The following RBMXL3 variants were observed in gnomAD, a reference collection of about 807,000 sequenced individuals.
RBMXL3 encodes the protein RBMX like 3, also known as RNA-binding motif protein, X-linked-like-3.
In RBMXL3, 2 loss-of-function variants were observed where a neutral mutation model predicts 0.8. That is an observed-to-expected ratio of 2.54 (90% CI 1.04 to 8.00). The LOEUF (loss-of-function observed/expected upper bound fraction) is 8.00. Ranked by LOEUF, RBMXL3 falls within the 30% of genes most tolerant of loss-of-function variation. RBMXL3 has a pLI of 0.04. For synonymous variants in RBMXL3, 447 were observed against 449.8 expected (o/e 0.99, Z 0.08); for missense variants, 1,127 against 1,068.0 (o/e 1.06, Z -0.77).
In RBMXL3 at chrX:115,190,394, G is replaced by A. The variant is rs1432153392; in HGVS notation, c.953G>A (p.Gly318Glu). 3 of 1,162,015 alleles carry A rather than the reference G, an allele frequency of 2.6e-6. No individual in the cohort carries two copies. The African/African-American group carries it at 5.4e-5, about 21-fold the overall frequency. ...GGPCGAAPVW[G>E]TPPSYGGGCR... Reference sequence around the variant, plus strand: ...CCATGCGGCGCTGCCCCTGTGTGGGGGACACCGCCATCTTATGGAGGAGGA... The same window carrying A: ...CCATGCGGCGCTGCCCCTGTGTGGGAGACACCGCCATCTTATGGAGGAGGA... Residue 318 changes from glycine (G) to glutamate (E), a missense_variant, in exon 1 of 1, where the codon GGG becomes GAG. By Grantham distance (98) the Gly-to-Glu change is moderately conservative. Transcript: ENST00000424776.
Position 115,192,201 on chromosome X carries a change from G to T in RBMXL3, c.2760G>T (p.Ser920=). The change falls in exon 1 of 1, where the codon TCG becomes TCT. Residue 920 remains serine, a synonymous_variant. Coordinates refer to ENST00000424776, the MANE Select transcript of RBMXL3 (RefSeq NM_001145346.2). The part of the protein sequence containing the change: ...GGCYEEYQGR[S]PNAYGGGRGL... ...GCTACGAGGAATACCAAGGCCGCTC[G>T]CCCAATGCCTACGGCGGGGGCCGCG... 8.6e-7 allele frequency: 1 copy of T among 1,163,485 alleles called. No homozygotes were observed. The highest frequency in any genetic ancestry group is 1.1e-6 in the Non-Finnish European group (1 of 871,981).
rs1049426782 is a variant in RBMXL3, at chrX:115,192,236, G to C, written c.2795G>C (p.Ser932Thr). The change falls in exon 1 of 1, where the codon AGT becomes ACT. Residue 932 changes from serine (S) to threonine (T), a missense_variant. Coordinates refer to ENST00000424776, the MANE Select transcript of RBMXL3 (RefSeq NM_001145346.2). The stretch of plus-strand genomic sequence containing the variant: ...TACGGCGGGGGCCGCGGCCTCAACA[G>C]TTCCAACAACAGTCATGGCCGGAGC... ...NAYGGGRGLNSSNNSHGRSHR... is the reference protein window; with the variant it reads ...NAYGGGRGLNTSNNSHGRSHR... The C allele has an allele frequency of 1.1e-4, 128 of 1,162,856 alleles. No homozygotes were observed. The highest frequency in any genetic ancestry group is 1.4e-4 in the Non-Finnish European group (121 of 871,748).
chrX:115,190,764 T>C lies in RBMXL3; in HGVS notation c.1323T>C (p.Asp441=), dbSNP rs1556558100. The C allele has an allele frequency of 8.7e-7, 1 of 1,155,835 alleles. No homozygotes were observed. The highest frequency in any genetic ancestry group is 1.9e-5 in the South Asian group (1 of 51,824). ...HEARSGGRST[D]AHSRGRSDDA... Reference sequence around the variant, plus strand: ...CCCGCAGCGGGGGCCGCTCCACTGATGCCCACAGCAGGGGCCGGTCCGACG... The same window carrying C: ...CCCGCAGCGGGGGCCGCTCCACTGACGCCCACAGCAGGGGCCGGTCCGACG... The change falls in exon 1 of 1, where the codon GAT becomes GAC. Residue 441 remains aspartate (D), a synonymous_variant. Coordinates refer to ENST00000424776, the MANE Select transcript of RBMXL3 (RefSeq NM_001145346.2).
chrX:115,191,117 C>G lies in RBMXL3; in HGVS notation c.1676C>G (p.Ser559Trp), dbSNP rs186829304. Residue 559 changes from serine to tryptophan, a missense_variant, in exon 1 of 1, where the codon TCG becomes TGG. By Grantham distance (177) the Ser-to-Trp change is radical (BLOSUM62 -3). Transcript: ENST00000424776. ...GEGRYEYRGR[S>W]HDAHSGGCSA... is the part of the protein sequence containing the mutation. Reference sequence around the variant, plus strand: ...GGCCGCTATGAGTACCGAGGCCGCTCGCATGACGCCCACAGTGGGGGCTGC... The same window carrying G: ...GGCCGCTATGAGTACCGAGGCCGCTGGCATGACGCCCACAGTGGGGGCTGC... 563 of 1,164,727 alleles carry G rather than the reference C, an allele frequency of 4.8e-4. 1 individual carries two copies. The African/African-American group carries it at 8.5e-3, about 17-fold the overall frequency.
Position 115,191,576 on chromosome X carries a change from G to A in RBMXL3, c.2135G>A (p.Arg712Gln), listed in dbSNP as rs782045902. ...GGAGGCGGCCGCTACGAGGAGTACC[G>A]AGGCCACTCGCTTGATGCCAACAGC... Reference protein sequence around the residue: ...YGGGGRYEEYRGHSLDANSGG... With the variant: ...YGGGGRYEEYQGHSLDANSGG... Residue 712 changes from arginine to glutamine, a missense_variant, in exon 1 of 1, where the codon CGA becomes CAA. Physicochemically the swap from Arg to Gln is conservative, Grantham distance 43 (BLOSUM62 1). Coordinates refer to ENST00000424776, the MANE Select transcript of RBMXL3 (RefSeq NM_001145346.2). 4.6e-4 allele frequency: 500 copies of A among 1,080,693 alleles called. No homozygotes were observed. The highest frequency in any genetic ancestry group is 5.7e-4 in the Non-Finnish European group (462 of 816,347). The allele number at this position is 1,080,693 out of a possible 1,213,427, so 89.1% of individuals were successfully genotyped here. A position where few individuals can be genotyped will look rare whatever the true frequency, so the allele number is the denominator to read the frequency against.
In RBMXL3 at chrX:115,192,196, C is replaced by T. The variant is rs1556560946; in HGVS notation, c.2755C>T (p.Arg919Cys). Residue 919 changes from arginine to cysteine, a missense_variant, in exon 1 of 1, where the codon CGC becomes TGC. Arg to Cys is a radical substitution (Grantham distance 180). Coordinates refer to ENST00000424776, the MANE Select transcript of RBMXL3 (RefSeq NM_001145346.2). ...AGGCTGCTACGAGGAATACCAAGGC[C>T]GCTCGCCCAATGCCTACGGCGGGGG... ...RGGCYEEYQG[R>C]SPNAYGGGRG... The T allele has an allele frequency of 3.4e-6, 4 of 1,163,963 alleles. No homozygotes were observed. The South Asian group carries it at 5.7e-5, about 17-fold the overall frequency.
rs186136686 is a variant in RBMXL3, at chrX:115,191,799, G to A, written c.2358G>A (p.Ser786=). 4.7e-4 allele frequency: 539 copies of A among 1,148,823 alleles called. No homozygotes were observed. In the African/African-American group the frequency reaches 8.6e-3, roughly 18 times the overall value. The allele number at this position is 1,148,823 out of a possible 1,213,427, so 94.7% of individuals were successfully genotyped here. A position where few individuals can be genotyped will look rare whatever the true frequency, so the allele number is the denominator to read the frequency against. The change falls in exon 1 of 1, where the codon TCG becomes TCA. Residue 786 remains serine (S), a synonymous_variant. Transcript: ENST00000424776. ...GGRYEEYRGR[S]LDANSGGRSP... ...GCTACGAGGAGTACCGAGGCCGCTCGCTCGATGCCAACAGCGGAGGCCGCT... is the reference window on the plus strand; with the variant it reads ...GCTACGAGGAGTACCGAGGCCGCTCACTCGATGCCAACAGCGGAGGCCGCT...
In RBMXL3 at chrX:115,192,222, C is replaced by A; in HGVS notation, c.2781C>A (p.Gly927=). 8.6e-7 allele frequency: 1 copy of A among 1,158,973 alleles called. No homozygotes were observed. The highest frequency in any genetic ancestry group is 1.1e-6 in the Non-Finnish European group (1 of 871,157). The change falls in exon 1 of 1, where the codon GGC becomes GGA. Residue 927 remains glycine, a synonymous_variant. Transcript: ENST00000424776. ...QGRSPNAYGG[G]RGLNSSNNSH... ...GCTCGCCCAATGCCTACGGCGGGGGCCGCGGCCTCAACAGTTCCAACAACA... is the reference window on the plus strand; with the variant it reads ...GCTCGCCCAATGCCTACGGCGGGGGACGCGGCCTCAACAGTTCCAACAACA...
At position 115,192,190 on chromosome X, in the gene RBMXL3, C is replaced by G; in HGVS notation, c.2749C>G (p.Gln917Glu). Residue 917 changes from glutamine to glutamate, a missense_variant, in exon 1 of 1, where the codon CAA becomes GAA. Coordinates refer to ENST00000424776, the MANE Select transcript of RBMXL3 (RefSeq NM_001145346.2). The stretch of plus-strand genomic sequence containing the variant: ...AAGAGGAGGCTGCTACGAGGAATAC[C>G]AAGGCCGCTCGCCCAATGCCTACGG... ...YGRGGCYEEY[Q>E]GRSPNAYGGG... is the part of the protein sequence containing the mutation. The G allele has an allele frequency of 1.7e-6, 2 of 1,164,852 alleles. No homozygotes were observed. Among genetic ancestry groups the G allele is most frequent in the Non-Finnish European group, 2.3e-6 (2 of 872,250 alleles).
chrX:115,190,747 G>C lies in RBMXL3; in HGVS notation c.1306G>C (p.Gly436Arg), dbSNP rs782782096. The change falls in exon 1 of 1, where the codon GGG (glycine) becomes CGG (arginine). Residue 436 changes from glycine to arginine, a missense_variant. Gly to Arg is a moderately radical substitution (Grantham distance 125). Transcript: ENST00000424776. ...YRGRSHEARS[G>R]GRSTDAHSRG... ...AGGCCGCTCACACGAGGCCCGCAGC[G>C]GGGGCCGCTCCACTGATGCCCACAG... 5.2e-6 allele frequency: 6 copies of C among 1,143,155 alleles called. No individual in the cohort carries two copies. In the African/African-American group the frequency reaches 9.5e-5, roughly 18 times the overall value. 94.2% of individuals were successfully genotyped at this position (1,143,155 alleles called of 1,213,427 possible).
rs2072856375 is a variant in RBMXL3 at position 115,192,825 on chromosome X, TTAA to T, written c.*182_*184del. 1 of 467,053 alleles carries T rather than the reference TTAA, an allele frequency of 2.1e-6. No homozygotes were observed. The highest frequency in any genetic ancestry group is 3.5e-5 in the South Asian group (1 of 28,649). The allele number at this position is 467,053 out of a possible 1,213,427, so 38.5% of individuals were successfully genotyped here. A position where few individuals can be genotyped will look rare whatever the true frequency, so the allele number is the denominator to read the frequency against. On this transcript the variant is annotated 3_prime_UTR_variant, in exon 1 of 1. Transcript: ENST00000424776. The stretch of plus-strand genomic sequence containing the variant: ...AAAACTTAAAATTAGTTTGAAATTG[TTAA>T]TGTTTCTTTCAACAAGTTCTTGTTA...
At position 115,192,733 on chromosome X, in the gene RBMXL3, A is replaced by G; in HGVS notation, c.*88A>G. 8.6e-6 allele frequency: 8 copies of G among 932,798 alleles called. No homozygotes were observed. Among genetic ancestry groups the G allele is most frequent in the Non-Finnish European group, 1.2e-5 (8 of 672,656 alleles). The allele number at this position is 932,798 out of a possible 1,213,427, so 76.9% of individuals were successfully genotyped here. A position where few individuals can be genotyped will look rare whatever the true frequency, so the allele number is the denominator to read the frequency against. On this transcript the variant is annotated 3_prime_UTR_variant, in exon 1 of 1. Coordinates refer to ENST00000424776, the MANE Select transcript of RBMXL3 (RefSeq NM_001145346.2). ...TGTTAACTACCCAAGGACTAGTATA[A>G]GTAGGAGTTGTTTTTACCTTTTAAG... is the stretch of plus-strand genomic sequence containing the variant.
Position 115,190,495 on chromosome X carries a change from G to A in RBMXL3, c.1054G>A (p.Val352Ile), listed in dbSNP as rs1170570293. ...EGRSSEALPV[V>I]LPDAYSRDHS... is the part of the protein sequence containing the mutation. ...CCGCTCGTCCGAGGCCTTGCCAGTC[G>A]TCTTGCCAGACGCCTACAGCAGGGA... Residue 352 changes from valine to isoleucine, a missense_variant, in exon 1 of 1, where the codon GTC (valine) becomes ATC (isoleucine). By Grantham distance (29) the Val-to-Ile change is conservative. Coordinates refer to ENST00000424776, the MANE Select transcript of RBMXL3 (RefSeq NM_001145346.2). The A allele has an allele frequency of 1.4e-5, 16 of 1,166,449 alleles. No individual in the cohort carries two copies. The highest frequency in any genetic ancestry group is 3.6e-5 in the African/African-American group (2 of 55,973).
Position 115,189,459 on chromosome X carries a change from C to A in RBMXL3, c.18C>A (p.Arg6=). 1 of 1,174,818 alleles carries A rather than the reference C, an allele frequency of 8.5e-7. No individual in the cohort carries two copies. The highest frequency in any genetic ancestry group is 2.5e-5 in the Admixed American group (1 of 39,972). The change falls in exon 1 of 1, where the codon CGC becomes CGA. Residue 6 remains arginine (R), a synonymous_variant. Transcript: ENST00000424776. ...AGGGAGACATGATGGAAGCGGATCG[C>A]CCAGAGAAGCTTTTCATTGGGGGCC... is the stretch of plus-strand genomic sequence containing the variant. MMEAD[R]PEKLFIGGLN...
rs782396163 is a variant in RBMXL3 at position 115,190,176 on chromosome X, G to T, written c.735G>T (p.Pro245=). 7 of 1,165,153 alleles carry T rather than the reference G, an allele frequency of 6.0e-6. No individual in the cohort carries two copies. Among genetic ancestry groups the T allele is most frequent in the Admixed American group, 2.6e-5 (1 of 38,741 alleles). The part of the protein sequence containing the change: ...SGPRVREPLP[P]CRDPGDFVPA... Reference sequence around the variant, plus strand: ...CGCGGGTCCGGGAGCCACTGCCCCCGTGCCGCGACCCTGGGGATTTTGTCC... The same window carrying T: ...CGCGGGTCCGGGAGCCACTGCCCCCTTGCCGCGACCCTGGGGATTTTGTCC... Residue 245 remains proline (P), a synonymous_variant, in exon 1 of 1, where the codon CCG becomes CCT. Transcript: ENST00000424776.
Position 115,192,114 on chromosome X carries a change from C to A in RBMXL3, c.2673C>A (p.Ser891Arg), listed in dbSNP as rs782204058. ...GGGACCACTACACCGAAGCCTACAG[C>A]AGGGGCCGCGACAGTTTCAGCAACA... Reference protein sequence around the residue: ...HSGDHYTEAYSRGRDSFSNSY... With the variant: ...HSGDHYTEAYRRGRDSFSNSY... Residue 891 changes from serine (S) to arginine (R), a missense_variant, in exon 1 of 1, where the codon AGC becomes AGA. Coordinates refer to ENST00000424776, the MANE Select transcript of RBMXL3 (RefSeq NM_001145346.2). 1.9e-5 allele frequency: 22 copies of A among 1,165,625 alleles called. No individual in the cohort carries two copies. The highest frequency in any genetic ancestry group is 3.4e-6 in the Non-Finnish European group (3 of 872,669).
Position 115,190,170 on chromosome X carries a change from GC to G in RBMXL3, c.734del (p.Pro245ArgfsTer31). The G allele has an allele frequency of 8.6e-7, 1 of 1,165,786 alleles. No homozygotes were observed. ...YSGPRVREPL[P>X]PCRDPGDFVP... ...CAGGCCCGCGGGTCCGGGAGCCACT[GC>G]CCCCGTGCCGCGACCCTGGGGATTT... On this transcript the variant is annotated frameshift_variant, in exon 1 of 1. Transcript: ENST00000424776. LOFTEE classifies it low-confidence loss of function (END_TRUNC).
chrX:115,189,746 G>A lies in RBMXL3; in HGVS notation c.305G>A (p.Gly102Asp), dbSNP rs868980271. The A allele has an allele frequency of 1.7e-6, 2 of 1,166,649 alleles. No homozygotes were observed. The highest frequency in any genetic ancestry group is 1.9e-5 in the South Asian group (1 of 52,769). ...SRWVPPTPGS[G>D]SRSRFSHRTR... The stretch of plus-strand genomic sequence containing the variant: ...TGGGTCCCGCCAACCCCCGGCAGCG[G>A]CAGTCGCTCAAGGTTCTCACACAGA... Residue 102 changes from glycine to aspartate, a missense_variant, in exon 1 of 1, where the codon GGC becomes GAC. Transcript: ENST00000424776.
rs781787723 is a variant in RBMXL3 at position 115,191,656 on chromosome X, G to A, written c.2215G>A (p.Asp739Asn). The part of the protein sequence containing the change: ...SRGHDSSSQS[D>N]HYGGGGRSLD... ...GGGCCACGACAGTTCCAGCCAGAGC[G>A]ACCACTATGGAGGAGGAGGTCGCTC... The change falls in exon 1 of 1, where the codon GAC becomes AAC. Residue 739 changes from aspartate to asparagine, a missense_variant. Asp to Asn is a conservative substitution (Grantham distance 23). Transcript: ENST00000424776. 61 of 1,154,129 alleles carry A rather than the reference G, an allele frequency of 5.3e-5. No individual in the cohort carries two copies. Among genetic ancestry groups the A allele is most frequent in the Admixed American group, 1.6e-4 (6 of 37,524 alleles).
Sources: gnomAD v4.1 joint callset for allele counts on GRCh38, gnomAD v4.1.1 for gene constraint, MANE v1.5 for transcripts, NCBI Gene and HGNC (gene_info 2026-07-23, HGNC 2026-07-21) for gene names.